Variants in TPP2 observed in about 807,000 individuals in gnomAD.
The protein encoded by TPP2 is tripeptidyl-peptidase 2.
In TPP2, 34 loss-of-function variants were observed where a neutral mutation model predicts 155.9. The observed-to-expected ratio is 0.22, with a 90% confidence interval of 0.17 to 0.29. The LOEUF (loss-of-function observed/expected upper bound fraction) is 0.29. Ranked by LOEUF, TPP2 falls within the 10% of genes least tolerant of loss-of-function variation. The pLI is 1.00. For missense variants in TPP2, 1,028 were observed against 1,522.3 expected (o/e 0.68, Z 5.40); for synonymous variants, 510 against 529.4 (o/e 0.96, Z 0.50).
At chr13:102,605,389 A>G (rs1307796906) in intron 2 of TPP2, among the ~76,000 whole-genome samples, 1 of 152,202 alleles carries the variant, frequency 6.6e-6, no homozygotes, top group Non-Finnish European at 1.5e-5. Flanking sequence ...TCACTTGACT[A>G]TATTGAGCTC....
chr13:102,639,202 A>G (rs1002297503), intron 15 of TPP2, among the ~76,000 whole-genome samples: 3 of 152,182 alleles, frequency 2.0e-5, no homozygotes, highest in African/African-American at 7.2e-5. Context: ...CACAGAGACT[A>G]CTGTTATACA....
chr13:102,637,062 T>C lies in TPP2; in HGVS notation c.1679-20T>C. ...AGGAAAAAAATACTCATCTTTAATT[T>C]TTGGTCTTTTTCGTGCCAGAAAACT... is the stretch of plus-strand genomic sequence containing the variant. On this transcript the variant is annotated intron_variant, in intron 13 of 29. Coordinates refer to ENST00000376052, the MANE Select transcript of TPP2 (RefSeq NM_001330588.2). The C allele has an allele frequency of 6.4e-7, 1 of 1,562,908 alleles. No individual in the cohort carries two copies. Among genetic ancestry groups the C allele is most frequent in the Non-Finnish European group, 8.6e-7 (1 of 1,161,634 alleles).
chr13:102,656,404 C>T (rs1221529464), intron 24 of TPP2, among the ~76,000 whole-genome samples: 1 of 152,178 alleles, frequency 6.6e-6, no homozygotes. Context: ...TACACTTGCT[C>T]ATCTGCTCCT....
chr13:102,678,100 T>C (rs932484378), intron 29 of TPP2, 127 bp from the exon 30 acceptor site: 1 of 895,282 alleles, frequency 1.1e-6, no homozygotes. Context: ...TGGGTGACGG[T>C]TGGTGGAAGG....
intron 2 of TPP2, among the ~76,000 whole-genome samples, chr13:102,606,059 G>T (rs967126548): frequency 2.6e-5 from 4 of 152,158 alleles, no homozygotes; most frequent in Non-Finnish European, 5.9e-5. Flanking sequence ...TGGTAGAAAG[G>T]CCTGGGTAAG....
chr13:102,598,843 T>A (rs1367358867), intron 1 of TPP2, among the ~76,000 whole-genome samples: 2 of 152,282 alleles, frequency 1.3e-5, no homozygotes, highest in African/African-American at 4.8e-5. Context: ...AGCCTTGTTG[T>A]GAAAATTGAT....
At chr13:102,603,654 A>G (rs143166676) in intron 1 of TPP2, among the ~76,000 whole-genome samples, 1 of 152,216 alleles carries the variant, frequency 6.6e-6, no homozygotes, top group Non-Finnish European at 1.5e-5. Flanking sequence ...TTATGCGAGT[A>G]TTCTGAGTGC....
At chr13:102,645,057 G>A in intron 19 of TPP2, 48 bp downstream of exon 19, 4 of 1,567,250 alleles carry the variant, frequency 2.6e-6, no homozygotes, top group Non-Finnish European at 3.5e-6. Context: ...ATAGATTGGG[G>A]GGATCTCTTA....
intron 2 of TPP2, among the ~76,000 whole-genome samples, chr13:102,609,259 A>G (rs868391822): frequency 6.6e-6 from 1 of 151,236 alleles, no homozygotes; most frequent in African/African-American, 2.4e-5. Context: ...TCACAGTCCT[A>G]CAGGCTTAAC....
chr13:102,673,518 A>G (rs368144852), intron 27 of TPP2, among the ~76,000 whole-genome samples: 160 of 152,304 alleles, frequency 1.1e-3, no homozygotes, highest in African/African-American at 3.7e-3. Flanking sequence ...TCATTCAGCA[A>G]TGATTTATTG....
chr13:102,639,087 T>C (rs760793465), intron 15 of TPP2, among the ~76,000 whole-genome samples: 1 of 152,212 alleles, frequency 6.6e-6, no homozygotes, highest in African/African-American at 2.4e-5. Flanking sequence ...GGGAGTCCCT[T>C]CTTTCTGCTT....
intron 2 of TPP2, among the ~76,000 whole-genome samples, chr13:102,611,171 T>C (rs1880285732): frequency 1.3e-5 from 2 of 152,240 alleles, no homozygotes; most frequent in African/African-American, 4.8e-5. Flanking sequence ...CAATATGCCA[T>C]GGTTTGTACC....
intron 3 of TPP2, among the ~76,000 whole-genome samples, chr13:102,615,246 A>C (rs564130839): frequency 1.3e-5 from 2 of 152,324 alleles, no homozygotes; most frequent in Admixed American, 1.3e-4. Flanking sequence ...ACAGCTAATT[A>C]CTGCCTCAAC....
intron 6 of TPP2, among the ~76,000 whole-genome samples, chr13:102,625,274 C>T (rs1595156925): frequency 6.7e-6 from 1 of 149,996 alleles, no homozygotes; most frequent in African/African-American, 2.5e-5. Context: ...ATGCCATTCT[C>T]TTGCCTCAGC....
intron 6 of TPP2, among the ~76,000 whole-genome samples, chr13:102,625,309 C>T (rs1178475719): frequency 1.3e-5 from 2 of 151,554 alleles, no homozygotes; most frequent in African/African-American, 2.4e-5. Context: ...GGACTGCAGG[C>T]GCCCACTACC....
rs1475245684 is a variant in TPP2, at chr13:102,679,006, A to C, written c.*690A>C. 1 of 152,606 alleles carries C rather than the reference A, an allele frequency of 6.6e-6. No individual in the cohort carries two copies. Among genetic ancestry groups the C allele is most frequent in the African/African-American group, 2.4e-5 (1 of 41,438 alleles). The allele number at this position is 152,606 out of a possible 1,614,324, so 9.5% of individuals were successfully genotyped here. A position where few individuals can be genotyped will look rare whatever the true frequency, so the allele number is the denominator to read the frequency against. On this transcript the variant is annotated 3_prime_UTR_variant, in exon 30 of 30. Transcript: ENST00000376052. ...TACATGTGTAAGTGCCAGACAGCTG[A>C]ATCTTTATCAGGTATTGTAAAGATA... is the stretch of plus-strand genomic sequence containing the variant.
intron 25 of TPP2, among the ~76,000 whole-genome samples, chr13:102,660,038 CAGAT>C (rs5806317): frequency 0.04 from 6,065 of 151,668 alleles, 179 homozygotes; most frequent in Non-Finnish European, 0.058. Context: ...ATAGATACAA[CAGAT>C]AGAATACTAC....
chr13:102,608,988 C>T lies in TPP2; in HGVS notation c.294+4067C>T, dbSNP rs184976572. Among the ~76,000 whole-genome samples the T allele has an allele frequency of 3.3e-5, 5 of 152,296 alleles. No homozygotes were observed. The East Asian group carries it at 7.7e-4, about 24-fold the overall frequency. On this transcript the variant is annotated intron_variant, in intron 2 of 29. Transcript: ENST00000376052. ...ACATTTAGGGGAACCCCCATAATAT[C>T]AGTATACACTATATTTTTTTCCCTC...
At chr13:102,601,934 A>G (rs1286446194) in intron 1 of TPP2, among the ~76,000 whole-genome samples, 2 of 152,232 alleles carry the variant, frequency 1.3e-5, no homozygotes, top group African/African-American at 4.8e-5. Flanking sequence ...TAAGTAAAGC[A>G]TGTGGAAATA....
Sources: gnomAD v4.1 joint callset for allele counts (sites outside exome capture counted in the v4.1 genomes callset) on GRCh38, gnomAD v4.1.1 for gene constraint, MANE v1.5 for transcripts, NCBI Gene and HGNC (gene_info 2026-07-23, HGNC 2026-07-21) for gene names.